The following GALK2 variants were observed in gnomAD, a reference collection of about 807,000 sequenced individuals.
The protein encoded by GALK2 is N-acetylgalactosamine kinase.
Under a neutral mutation model 52.4 loss-of-function variants are expected in GALK2, and 36 were observed. The ratio of observed to expected loss-of-function variants is 0.69; its 90% CI spans 0.53 to 0.91. GALK2 has a LOEUF of 0.91. GALK2 is among the 40% of genes least tolerant of loss of function. The probability of loss-of-function intolerance (pLI) is 0.00; values close to 1 mark genes in which losing one functional copy is unlikely to be tolerated. For synonymous variants in GALK2, 176 were observed against 199.1 expected, an observed-to-expected ratio of 0.88 and a Z score of 0.98; for missense variants, 579 against 559.1, an observed-to-expected ratio of 1.04 and a Z score of -0.36.
At chr15:49,198,861 C>CCCTTCCTT (rs1158378885) in intron 1 of GALK2, 4 of 140,300 alleles carry the variant, frequency 2.9e-5, no homozygotes, top group African/African-American at 1.1e-4. Context: ...CTCCCTCCCT[C>CCCTTCCTT]CCTTCCTTCC....
At chr15:49,209,249 C>T (rs2088600682) in intron 2 of GALK2, among the ~76,000 whole-genome samples, 1 of 152,110 alleles carries the variant, frequency 6.6e-6, no homozygotes, top group Non-Finnish European at 1.5e-5. Flanking sequence ...TTAGGTTTTT[C>T]TACGTATAAG....
chr15:49,156,196 C>T, intron 1 of GALK2: 1 of 622,434 alleles, frequency 1.6e-6, no homozygotes, highest in South Asian at 1.9e-5. Flanking sequence ...GTTGAGTTGC[C>T]TTAAATCTTA....
chr15:49,161,305 G>T (rs1011701961), intron 1 of GALK2, among the ~76,000 whole-genome samples: 2 of 152,162 alleles, frequency 1.3e-5, no homozygotes, highest in Non-Finnish European at 2.9e-5. Context: ...AGTTGAAAAG[G>T]TCTTCACTGT....
chr15:49,360,159 C>T (rs556955197), intron 3 of GALK2, among the ~76,000 whole-genome samples: 1 of 150,966 alleles, frequency 6.6e-6, no homozygotes, highest in South Asian at 2.1e-4. Flanking sequence ...TTAGTGGGTG[C>T]AGCGCACCAG....
At chr15:49,227,711 C>CT (rs990151415) in intron 3 of GALK2, among the ~76,000 whole-genome samples, 13 of 151,380 alleles carry the variant, frequency 8.6e-5, no homozygotes, top group African/African-American at 3.2e-4. Flanking sequence ...TATCTTTTTT[C>CT]TTTTTTTTAT....
chr15:49,345,871 T>G (rs752035914), intron 3 of GALK2, among the ~76,000 whole-genome samples: 33 of 152,134 alleles, frequency 2.2e-4, no homozygotes, highest in Admixed American at 5.2e-4. Context: ...AAACTGAAGC[T>G]TCTAGAAGTG....
intron 5 of GALK2, among the ~76,000 whole-genome samples, chr15:49,259,585 A>ATTTT: frequency 7.9e-6 from 1 of 125,860 alleles, no homozygotes; most frequent in East Asian, 2.4e-4. Context: ...TTTTTTTTTT[A>ATTTT]ATTATTATTA....
chr15:49,251,694 C>T (rs1306716899), intron 5 of GALK2, among the ~76,000 whole-genome samples: 1 of 152,172 alleles, frequency 6.6e-6, no homozygotes, highest in African/African-American at 2.4e-5. Context: ...AACCATCATT[C>T]CACTCTGATT....
At chr15:49,159,060 C>T (rs111286688) in intron 1 of GALK2, 2 of 152,202 alleles carry the variant, frequency 1.3e-5, no homozygotes, top group Admixed American at 1.3e-4. Context: ...GCAATCCTCC[C>T]ACCTCAACCT....
chr15:49,254,452 C>T (rs1475600550), intron 5 of GALK2, among the ~76,000 whole-genome samples: 2 of 144,100 alleles, frequency 1.4e-5, no homozygotes, highest in Admixed American at 1.4e-4. Flanking sequence ...AAAATCTAAG[C>T]AATCAGGACT....
intron 3 of GALK2, among the ~76,000 whole-genome samples, chr15:49,232,586 G>C (rs148090057): frequency 6.6e-6 from 1 of 152,044 alleles, no homozygotes; most frequent in Non-Finnish European, 1.5e-5. Context: ...TTTCAAACTC[G>C]TACACTTTGC....
intron 3 of GALK2, among the ~76,000 whole-genome samples, chr15:49,341,427 T>A (rs1297750388): frequency 6.6e-6 from 1 of 152,222 alleles, no homozygotes; most frequent in East Asian, 1.9e-4. Context: ...CTATGATTTC[T>A]TTCCACAGAA....
At chr15:49,209,197 G>A (rs1647994969) in intron 2 of GALK2, among the ~76,000 whole-genome samples, 1 of 152,112 alleles carries the variant, frequency 6.6e-6, no homozygotes, top group African/African-American at 2.4e-5. Flanking sequence ...TGTATCTTGC[G>A]ACTTTACTGA....
Position 49,329,584 on chromosome 15 carries a change from T to C in GALK2, c.*1425T>C. 1 of 984,254 alleles carries C rather than the reference T, an allele frequency of 1.0e-6. No individual in the cohort carries two copies. Among genetic ancestry groups the C allele is most frequent in the Non-Finnish European group, 1.2e-6 (1 of 828,828 alleles). The allele number at this position is 984,254 out of a possible 1,614,324, so 61.0% of individuals were successfully genotyped here. On this transcript the variant is annotated 3_prime_UTR_variant, in exon 10 of 10. Transcript: ENST00000560031. ...TAGAATACTAGGAAAGCCAATATTC[T>C]ATTTAAAAATAAACTTCTGATGCAT...
At chr15:49,170,242 C>T (rs1392324260), upstream of GALK2, 38 of 1,540,052 alleles carry the variant, frequency 2.5e-5, no homozygotes, top group Non-Finnish European at 2.8e-5. Flanking sequence ...AAAACGGCTC[C>T]TGTCACAGAA....
At chr15:49,367,238 T>C (rs1465876579) in intron 3 of GALK2, among the ~76,000 whole-genome samples, 1 of 152,192 alleles carries the variant, frequency 6.6e-6, no homozygotes, top group Non-Finnish European at 1.5e-5. Context: ...GTTTGTTTTA[T>C]TTTTCTTACA....
chr15:49,197,481 A>T (rs1010118860), intron 1 of GALK2, among the ~76,000 whole-genome samples: 1 of 152,210 alleles, frequency 6.6e-6, no homozygotes, highest in Admixed American at 6.5e-5. Flanking sequence ...GAATATTTAA[A>T]GATACATAAT....
intron 3 of GALK2, among the ~76,000 whole-genome samples, chr15:49,232,132 CT>C (rs781446784): frequency 6.6e-6 from 1 of 152,200 alleles, no homozygotes; most frequent in Non-Finnish European, 1.5e-5. Flanking sequence ...GACATTTAGG[CT>C]TTTCTACACA....
intron 5 of GALK2, among the ~76,000 whole-genome samples, chr15:49,275,362 C>T (rs1160809241): frequency 6.6e-6 from 1 of 152,188 alleles, no homozygotes; most frequent in Non-Finnish European, 1.5e-5. Context: ...TCCAGGTTTA[C>T]ATTTTCTTTT....
Sources: gnomAD v4.1 joint callset for allele counts (sites outside exome capture counted in the v4.1 genomes callset) on GRCh38, gnomAD v4.1.1 for gene constraint, MANE v1.5 for transcripts, NCBI Gene and HGNC (gene_info 2026-07-23, HGNC 2026-07-21) for gene names.